The following ARMCX4 variants were observed in gnomAD, a reference collection of about 807,000 sequenced individuals.
ARMCX4 encodes armadillo repeat containing X-linked 4, also known as armadillo repeat-containing X-linked protein 4.
In ARMCX4, 3 loss-of-function variants were observed where a neutral mutation model predicts 34.7. That is an observed-to-expected ratio of 0.09 (90% CI 0.04 to 0.22). The LOEUF is 0.22. Ranked by LOEUF, ARMCX4 falls within the 10% of genes least tolerant of loss-of-function variation. ARMCX4 has a pLI of 1.00. For synonymous variants in ARMCX4, 513 were observed against 632.8 expected (o/e 0.81, Z 2.84); for missense variants, 1,448 against 1,720.8 (o/e 0.84, Z 2.81).
In ARMCX4 at chrX:101,528,827, T is replaced by C. The variant is rs147262001; in HGVS notation, c.*1781-2817T>C. On this transcript the variant is annotated intron_variant and NMD_transcript_variant, in intron 11 of 12. Coordinates refer to the ARMCX4 transcript ENST00000354842. The stretch of plus-strand genomic sequence containing the variant: ...AACGACAGACCACTGCTCAACGAGA[T>C]AAAAAAGGACACAAACAAATGGAAG... 4.2e-3 allele frequency among the ~76,000 whole-genome samples: 459 copies of C among 110,332 alleles called. 8 individuals are homozygous for C. Among genetic ancestry groups the C allele is most frequent in the Admixed American group, 0.038 (395 of 10,318 alleles).
At chrX:101,447,582 C>T (rs2147577499), downstream of ARMCX4, 1 of 111,987 alleles carries the variant, frequency 8.9e-6, no homozygotes, top group South Asian at 3.7e-4. Flanking sequence ...GATGTTGGCC[C>T]TGAATTGGAA....
intron 11 of ARMCX4, among the ~76,000 whole-genome samples, chrX:101,523,366 G>C (rs1433256886): frequency 8.9e-6 from 1 of 111,744 alleles, no homozygotes; most frequent in African/African-American, 3.3e-5. Flanking sequence ...GTGGATAGGG[G>C]ACAAGGAAAT....
intron 2 of ARMCX4, among the ~76,000 whole-genome samples, chrX:101,421,558 T>A (rs1184128682): frequency 9.0e-6 from 1 of 111,398 alleles, no homozygotes; most frequent in African/African-American, 3.3e-5. Flanking sequence ...GCCTTACAGT[T>A]CTGGAAGATA....
chrX:101,438,573 A>T (rs1930989409), intron 2 of ARMCX4, among the ~76,000 whole-genome samples: 1 of 110,406 alleles, frequency 9.1e-6, no homozygotes. Flanking sequence ...CCCCCCCCAA[A>T]AAAAGTCTCC....
At chrX:101,438,478 T>C (rs1243350467) in intron 2 of ARMCX4, among the ~76,000 whole-genome samples, 2 of 110,914 alleles carry the variant, frequency 1.8e-5, no homozygotes, top group Non-Finnish European at 3.8e-5. Context: ...GGCAGGAGAA[T>C]GGCGTGAACC....
chrX:101,460,839 G>A (rs923891811), intron 4 of ARMCX4, among the ~76,000 whole-genome samples: 4 of 111,360 alleles, frequency 3.6e-5, no homozygotes, highest in Admixed American at 9.6e-5. Context: ...CTCTAAGACG[G>A]TGATCTCAAT....
chrX:101,437,054 T>C (rs1345704561), intron 2 of ARMCX4, among the ~76,000 whole-genome samples: 2 of 111,993 alleles, frequency 1.8e-5, no homozygotes, highest in African/African-American at 3.2e-5. Flanking sequence ...TCCCAGTATT[T>C]TATTGAGAAT....
chrX:101,437,706 C>G (rs1555995361), intron 2 of ARMCX4, among the ~76,000 whole-genome samples: 2 of 111,360 alleles, frequency 1.8e-5, no homozygotes, highest in Non-Finnish European at 3.8e-5. Flanking sequence ...TGTGTTTGCT[C>G]TTGCTTCTCT....
chrX:101,447,100 C>T (rs1209035946), downstream of ARMCX4, among the ~76,000 whole-genome samples: 2 of 112,005 alleles, frequency 1.8e-5, no homozygotes, highest in Non-Finnish European at 3.8e-5. Context: ...TGAGTGTACT[C>T]ATGATATGGC....
chrX:101,459,623 A>G lies in ARMCX4; in HGVS notation c.-473+13579A>G, dbSNP rs187041694. On this transcript the variant is annotated intron_variant and NMD_transcript_variant, in intron 4 of 15. Transcript: ENST00000433011. ...TGATTTTCTCATTATGTTCTCTCTTAGAGTCACGTAAAAGGTAAAATAAGG... is the reference window on the plus strand; with the variant it reads ...TGATTTTCTCATTATGTTCTCTCTTGGAGTCACGTAAAAGGTAAAATAAGG... Among the ~76,000 whole-genome samples, 504 of 112,297 alleles carry G rather than the reference A, an allele frequency of 4.5e-3. 1 individual carries two copies. Among genetic ancestry groups the G allele is most frequent in the African/African-American group, 0.015 (470 of 30,942 alleles).
At chrX:101,515,343 T>TTTC (rs1556017372) in intron 11 of ARMCX4, among the ~76,000 whole-genome samples, 5 of 17,000 alleles carry the variant, frequency 2.9e-4, no homozygotes, top group Admixed American at 1.4e-3. Context: ...TTTCCTTTCC[T>TTTC]TTTCTTTCTT....
chrX:101,457,739 A>AC (rs1168446017), intron 4 of ARMCX4, among the ~76,000 whole-genome samples: 1 of 106,912 alleles, frequency 9.4e-6, no homozygotes, highest in Admixed American at 1.0e-4. Flanking sequence ...AACAAACAAA[A>AC]CCCCCCAAAC....
intron 2 of ARMCX4, among the ~76,000 whole-genome samples, chrX:101,423,501 C>T (rs1929408193): frequency 9.2e-6 from 1 of 108,551 alleles, no homozygotes; most frequent in African/African-American, 3.4e-5. Flanking sequence ...CCTGTAATCC[C>T]AGCTACTTGG....
Position 101,488,224 on chromosome X carries a change from T to C in ARMCX4, c.-147+125T>C, listed in dbSNP as rs782689933. On this transcript the variant is annotated intron_variant, in intron 5 of 5. Transcript: ENST00000423738. ...TCCTACCATCCTTTCCACTGTTCATTTGGTGTATAGAAATGTGTATAGAAG... is the reference window on the plus strand; with the variant it reads ...TCCTACCATCCTTTCCACTGTTCATCTGGTGTATAGAAATGTGTATAGAAG... 8 of 350,863 alleles carry C rather than the reference T, an allele frequency of 2.3e-5. No individual in the cohort carries two copies. The South Asian group carries it at 2.8e-4, about 12-fold the overall frequency. 28.9% of individuals were successfully genotyped at this position (350,863 alleles called of 1,213,427 possible).
At chrX:101,500,761 C>A (rs1307879517), downstream of ARMCX4, among the ~76,000 whole-genome samples, 1 of 112,197 alleles carries the variant, frequency 8.9e-6, no homozygotes, top group African/African-American at 3.2e-5. Context: ...TATGCATACA[C>A]AGTTTTTCCT....
rs1556010066 is a variant in ARMCX4, at chrX:101,492,839, C to T, written c.4250C>T (p.Pro1417Leu). The stretch of plus-strand genomic sequence containing the variant: ...GCTGGTGGAGGGTCCAAGGTGGGGC[C>T]TGAAGACCAGTCCAGTGGAAGGTCA... ...GQAGGGSKVGPEDQSSGRSWA... is the reference protein window; with the variant it reads ...GQAGGGSKVGLEDQSSGRSWA... The change falls in exon 6 of 6, where the codon CCT (proline) becomes CTT (leucine). Residue 1417 changes from proline to leucine, a missense_variant. This residue lies in a region of ARMCX4 where 1,343 missense variants were observed against 1,540.7 expected (regional missense o/e 0.87). Coordinates refer to ENST00000423738, the MANE Select transcript of ARMCX4 (RefSeq NM_001256155.3). 6 of 1,153,438 alleles carry T rather than the reference C, an allele frequency of 5.2e-6. No individual in the cohort carries two copies. Among genetic ancestry groups the T allele is most frequent in the Non-Finnish European group, 6.9e-6 (6 of 872,306 alleles).
intron 11 of ARMCX4, among the ~76,000 whole-genome samples, chrX:101,512,399 T>A (rs1556016546): frequency 9.0e-6 from 1 of 111,214 alleles, no homozygotes; most frequent in African/African-American, 3.3e-5. Flanking sequence ...AAATTTCAAC[T>A]AATCCTTTTG....
At chrX:101,457,448 G>A (rs1259649257) in intron 4 of ARMCX4, among the ~76,000 whole-genome samples, 3 of 111,270 alleles carry the variant, frequency 2.7e-5, no homozygotes, top group African/African-American at 9.8e-5. Context: ...AAAAAAAATG[G>A]CCTTGGTGCA....
In ARMCX4 at chrX:101,494,742, G is replaced by A. The variant is rs1556011356; in HGVS notation, c.6153G>A (p.Glu2051=). The stretch of plus-strand genomic sequence containing the variant: ...TTGAAAAACTCATTTGCATGATTGA[G>A]ATGACTGAAGATCCTTCTGTTCATG... ...RDLEKLICMI[E]MTEDPSVHEI... The change falls in exon 6 of 6, where the codon GAG becomes GAA. Residue 2051 remains glutamate, a synonymous_variant. Coordinates refer to ENST00000423738, the MANE Select transcript of ARMCX4 (RefSeq NM_001256155.3). 1.7e-6 allele frequency: 2 copies of A among 1,154,012 alleles called. No homozygotes were observed. The highest frequency in any genetic ancestry group is 2.3e-6 in the Non-Finnish European group (2 of 871,175).
Sources: gnomAD v4.1 joint callset for allele counts (sites outside exome capture counted in the v4.1 genomes callset) on GRCh38, gnomAD v4.1.1 for gene constraint, gnomAD v4.1.1 regional missense constraint, MANE v1.5 for transcripts, NCBI Gene and HGNC (gene_info 2026-07-23, HGNC 2026-07-21) for gene names.